Variants in MYADM observed in about 807,000 individuals in gnomAD.
MYADM encodes myeloid associated differentiation marker.
For missense variants in MYADM, 416 were observed against 443.4 expected (o/e 0.94, Z 0.56); for synonymous variants, 224 against 210.2 (o/e 1.07, Z -0.57).
chr19:53,873,847 C>T lies in MYADM; in HGVS notation c.318C>T (p.Ala106=), dbSNP rs920039400. 9.3e-6 allele frequency: 15 copies of T among 1,613,550 alleles called. No individual in the cohort carries two copies. Among genetic ancestry groups the T allele is most frequent in the Non-Finnish European group, 1.2e-5 (14 of 1,180,056 alleles). The stretch of plus-strand genomic sequence containing the variant: ...GGCGCAACTTCCCCATCACCTTCGC[C>T]TGCTATGCGGCCCTCTTCTGCCTCT... ...LSWRNFPITF[A]CYAALFCLSA... Residue 106 remains alanine (A), a synonymous_variant, in exon 3 of 3, where the codon GCC becomes GCT. Transcript: ENST00000391770. This position sits in a 1 kb window ranked among gnomAD's most constrained non-coding sequence, Gnocchi z 4.3.
Position 53,868,867 on chromosome 19 carries a change from G to C in MYADM, c.-87-887G>C, listed in dbSNP as rs1254451918. 3 of 144,664 alleles carry C rather than the reference G, an allele frequency of 2.1e-5. No homozygotes were observed. Among genetic ancestry groups the C allele is most frequent in the Non-Finnish European group, 4.5e-5 (3 of 66,358 alleles). The allele number at this position is 144,664 out of a possible 1,614,324, so 9.0% of individuals were successfully genotyped here. On this transcript the variant is annotated intron_variant, in intron 1 of 2. Transcript: ENST00000391770. The surrounding 1 kb of genome is among the most constrained non-coding windows in gnomAD (Gnocchi z 6.3). ...ACCCCTCCCCTCCCCTCCCCTCGGC[G>C]CGCCCCCCTCCCCTGCGCGCCCCCC...
At position 53,873,815 on chromosome 19, in the gene MYADM, C is replaced by A. The variant is rs1409311368; in HGVS notation, c.286C>A (p.Leu96Met). ...ELCGLQARFP[L>M]SWRNFPITFA... ...GTGCGGGCTCCAGGCCCGCTTCCCC[C>A]TGTCTTGGCGCAACTTCCCCATCAC... The change falls in exon 3 of 3, where the codon CTG (leucine) becomes ATG (methionine). Residue 96 changes from leucine to methionine, a missense_variant. Coordinates refer to ENST00000391770, the MANE Select transcript of MYADM (RefSeq NM_138373.5). This position sits in a 1 kb window ranked among gnomAD's most constrained non-coding sequence, Gnocchi z 4.3. 1 of 1,613,612 alleles carries A rather than the reference C, an allele frequency of 6.2e-7. No individual in the cohort carries two copies. The highest frequency in any genetic ancestry group is 1.3e-5 in the African/African-American group (1 of 74,950).
rs1372529680 is a variant in MYADM, at chr19:53,874,626, C to T, written c.*128C>T. 3.6e-6 allele frequency: 4 copies of T among 1,115,750 alleles called. No individual in the cohort carries two copies. In the East Asian group the frequency reaches 7.9e-5, roughly 22 times the overall value. The allele number at this position is 1,115,750 out of a possible 1,614,324, so 69.1% of individuals were successfully genotyped here. On this transcript the variant is annotated 3_prime_UTR_variant, in exon 3 of 3. Coordinates refer to ENST00000391770, the MANE Select transcript of MYADM (RefSeq NM_138373.5). ...TCTTCCTGTCTCCCCTCCCTCCCACCTTTTTCTTTCCTTCCCAATTCCTTG... is the reference window on the plus strand; with the variant it reads ...TCTTCCTGTCTCCCCTCCCTCCCACTTTTTTCTTTCCTTCCCAATTCCTTG...
chr19:53,874,362 G>A lies in MYADM; in HGVS notation c.833G>A (p.Ser278Asn), dbSNP rs764546606. 2.5e-6 allele frequency: 4 copies of A among 1,614,142 alleles called. No individual in the cohort carries two copies. In the Admixed American group the frequency reaches 5.0e-5, roughly 20 times the overall value. The change falls in exon 3 of 3, where the codon AGC becomes AAC. Residue 278 changes from serine (S) to asparagine (N), a missense_variant. Coordinates refer to ENST00000391770, the MANE Select transcript of MYADM (RefSeq NM_138373.5). ...GGQPRRSRDV[S>N]CSRSHAYYVC... ...CAGCCTCGGCGCTCGAGAGATGTAA[G>A]CTGCAGCCGCAGCCATGCCTACTAC...
rs779596320 is a variant in MYADM, at chr19:53,875,323, CATAT to C, written c.*838_*841del. On this transcript the variant is annotated 3_prime_UTR_variant, in exon 3 of 3. Transcript: ENST00000391770. ...TGTACTTCCCCTTTAAATTAAAAAA[CATAT>C]ATATATATATATTTGGAGGTCAGTA... 4 of 162,684 alleles carry C rather than the reference CATAT, an allele frequency of 2.5e-5. No homozygotes were observed. Among genetic ancestry groups the C allele is most frequent in the Admixed American group, 6.7e-5 (1 of 14,920 alleles). The allele number at this position is 162,684 out of a possible 1,614,324, so 10.1% of individuals were successfully genotyped here.
At position 53,874,045 on chromosome 19, in the gene MYADM, A is replaced by AC. The variant is rs750593806; in HGVS notation, c.519dup (p.Gly174ArgfsTer92). ...AGATCACTGGCTATATGGCCACCGTACCCGGGCTGCTGAAGGTGCTGGAGA... is the reference window on the plus strand; with the variant it reads ...AGATCACTGGCTATATGGCCACCGTACCCCGGGCTGCTGAAGGTGCTGGAGA... On this transcript the variant is annotated frameshift_variant, in exon 3 of 3. Coordinates refer to ENST00000391770, the MANE Select transcript of MYADM (RefSeq NM_138373.5). LOFTEE classifies it low-confidence loss of function (END_TRUNC). 1 of 1,609,482 alleles carries AC rather than the reference A, an allele frequency of 6.2e-7. No individual in the cohort carries two copies. The highest frequency in any genetic ancestry group is 1.1e-5 in the South Asian group (1 of 91,088).
chr19:53,874,186 C>G lies in MYADM; in HGVS notation c.657C>G (p.Ile219Met), dbSNP rs142869931. 12 of 1,613,926 alleles carry G rather than the reference C, an allele frequency of 7.4e-6. No homozygotes were observed. In the South Asian group the frequency reaches 1.3e-4, roughly 18 times the overall value. The change falls in exon 3 of 3, where the codon ATC becomes ATG. Residue 219 changes from isoleucine (I) to methionine (M), a missense_variant. By Grantham distance (10) the Ile-to-Met change is conservative (BLOSUM62 1). Coordinates refer to ENST00000391770, the MANE Select transcript of MYADM (RefSeq NM_138373.5). The stretch of plus-strand genomic sequence containing the variant: ...CCATCTGCTTCATCCTAGCGGCCAT[C>G]GCCATCCTGCTGAACCTGGGGGAGT... ...VYAICFILAA[I>M]AILLNLGECT...
At position 53,869,749 on chromosome 19, in the gene MYADM, C is replaced by T. The variant is rs1449916033; in HGVS notation, c.-87-5C>T. 3.3e-5 allele frequency: 5 copies of T among 152,834 alleles called. No homozygotes were observed. Among genetic ancestry groups the T allele is most frequent in the Non-Finnish European group, 5.9e-5 (4 of 68,272 alleles). 9.5% of individuals were successfully genotyped at this position (152,834 alleles called of 1,614,324 possible). ...ACGGACGCTAACGGCCTACCTCCCCCTCAGGTGCTCTTACAGCCTGTTCCA... is the reference window on the plus strand; with the variant it reads ...ACGGACGCTAACGGCCTACCTCCCCTTCAGGTGCTCTTACAGCCTGTTCCA... On this transcript the variant is annotated splice_polypyrimidine_tract_variant and splice_region_variant and intron_variant, in intron 1 of 2. Coordinates refer to ENST00000391770, the MANE Select transcript of MYADM (RefSeq NM_138373.5).
chr19:53,872,326 G>T (rs1165134827), intron 2 of MYADM, among the ~76,000 whole-genome samples: 1 of 152,054 alleles, frequency 6.6e-6, no homozygotes, highest in Non-Finnish European at 1.5e-5. Flanking sequence ...CTCCCGAGTA[G>T]CTGGGATTGC....
rs1453118238 is a variant in MYADM at position 53,875,469 on chromosome 19, G to A, written c.*971G>A. On this transcript the variant is annotated 3_prime_UTR_variant, in exon 3 of 3. Transcript: ENST00000391770. Reference sequence around the variant, plus strand: ...TTGCCAGGCTTACAGAACACCCACTGCCTAGAGGCCATCTTAAAGGAAGCA... The same window carrying A: ...TTGCCAGGCTTACAGAACACCCACTACCTAGAGGCCATCTTAAAGGAAGCA... 6.0e-6 allele frequency: 1 copy of A among 166,060 alleles called. No homozygotes were observed. Among genetic ancestry groups the A allele is most frequent in the Admixed American group, 6.6e-5 (1 of 15,136 alleles). The allele number at this position is 166,060 out of a possible 1,614,324, so 10.3% of individuals were successfully genotyped here.
upstream of MYADM, among the ~76,000 whole-genome samples, chr19:53,867,118 C>G (rs770204640): frequency 6.6e-6 from 1 of 152,182 alleles, no homozygotes; most frequent in Admixed American, 6.5e-5. Context: ...GACCTGCGTC[C>G]AGCCCGAGTC....
chr19:53,872,034 G>A lies in MYADM; in HGVS notation c.-2-1494G>A, dbSNP rs184565472. Among the ~76,000 whole-genome samples the A allele has an allele frequency of 5.9e-3, 890 of 151,968 alleles. 6 individuals carry two copies. Among genetic ancestry groups the A allele is most frequent in the Non-Finnish European group, 9.1e-3 (616 of 67,958 alleles). ...CTGCCTCAGCCTCCCAAGTAGCTGC[G>A]ATTACAAGCGCCCACCACCACACCC... On this transcript the variant is annotated intron_variant, in intron 2 of 2. Transcript: ENST00000391770.
intron 2 of MYADM, 81 bp downstream of exon 2, chr19:53,869,919 G>C (rs542154155): frequency 6.7e-6 from 1 of 149,990 alleles, no homozygotes; most frequent in African/African-American, 2.5e-5. Flanking sequence ...GAGGGAGGAG[G>C]GGCTGGGGGC....
chr19:53,869,789 C>T lies in MYADM; in HGVS notation c.-52C>T, dbSNP rs1187871573. On this transcript the variant is annotated 5_prime_UTR_variant, in exon 2 of 3. Coordinates refer to ENST00000391770, the MANE Select transcript of MYADM (RefSeq NM_138373.5). ...AGCCTGTTCCAAGTGTGGCTTAATC[C>T]GTCTCCACCACCAGATCTTTCTCCG... 1 of 153,450 alleles carries T rather than the reference C, an allele frequency of 6.5e-6. No homozygotes were observed. The highest frequency in any genetic ancestry group is 1.5e-5 in the Non-Finnish European group (1 of 68,384). The allele number at this position is 153,450 out of a possible 1,614,324, so 9.5% of individuals were successfully genotyped here.
chr19:53,873,649 C>T lies in MYADM; in HGVS notation c.120C>T (p.Arg40=), dbSNP rs199879742. 2.1e-5 allele frequency: 34 copies of T among 1,614,208 alleles called. No homozygotes were observed. In the Admixed American group the frequency reaches 5.2e-4, roughly 25 times the overall value. The change falls in exon 3 of 3, where the codon CGC becomes CGT. Residue 40 remains arginine (R), a synonymous_variant. Transcript: ENST00000391770. The surrounding 1 kb of genome is among the most constrained non-coding windows in gnomAD (Gnocchi z 4.3). ...RALTQPLGLL[R]LLQLVSTCVA... is the part of the protein sequence containing the mutation. Reference sequence around the variant, plus strand: ...TGACACAGCCCCTGGGTCTCCTTCGCCTGCTGCAGCTGGTGTCTACCTGCG... The same window carrying T: ...TGACACAGCCCCTGGGTCTCCTTCGTCTGCTGCAGCTGGTGTCTACCTGCG...
Position 53,874,072 on chromosome 19 carries a change from C to G in MYADM, c.543C>G (p.Thr181=), listed in dbSNP as rs2068461439. 3 of 1,610,990 alleles carry G rather than the reference C, an allele frequency of 1.9e-6. No homozygotes were observed. The highest frequency in any genetic ancestry group is 2.5e-6 in the Non-Finnish European group (3 of 1,180,036). The change falls in exon 3 of 3, where the codon ACC becomes ACG. Residue 181 remains threonine, a synonymous_variant. Coordinates refer to ENST00000391770, the MANE Select transcript of MYADM (RefSeq NM_138373.5). ...CCGGGCTGCTGAAGGTGCTGGAGAC[C>G]TTCGTTGCCTGCATCATCTTCGCGT... ...TVPGLLKVLE[T]FVACIIFAFI...
Position 53,874,587 on chromosome 19 carries a change from T to C in MYADM, c.*89T>C. The C allele has an allele frequency of 1.4e-6, 2 of 1,407,752 alleles. No homozygotes were observed. Among genetic ancestry groups the C allele is most frequent in the Non-Finnish European group, 1.9e-6 (2 of 1,051,162 alleles). The allele number at this position is 1,407,752 out of a possible 1,614,324, so 87.2% of individuals were successfully genotyped here. A position where few individuals can be genotyped will look rare whatever the true frequency, so the allele number is the denominator to read the frequency against. On this transcript the variant is annotated 3_prime_UTR_variant, in exon 3 of 3. Transcript: ENST00000391770. ...TATGGAGTACTTCTTTCCTCCGCCTTTCCTCTGTTTTCCTCTTCCTGTCTC... is the reference window on the plus strand; with the variant it reads ...TATGGAGTACTTCTTTCCTCCGCCTCTCCTCTGTTTTCCTCTTCCTGTCTC...
At position 53,873,881 on chromosome 19, in the gene MYADM, A is replaced by G; in HGVS notation, c.352A>G (p.Ile118Val). ...YAALFCLSAS[I>V]IYPTTYVQFL... ...GGCCCTCTTCTGCCTCTCGGCCTCC[A>G]TCATCTACCCCACCACCTATGTCCA... Residue 118 changes from isoleucine (I) to valine (V), a missense_variant, in exon 3 of 3, where the codon ATC becomes GTC. Ile to Val is a conservative substitution (Grantham distance 29, BLOSUM62 3). Transcript: ENST00000391770. This position sits in a 1 kb window ranked among gnomAD's most constrained non-coding sequence, Gnocchi z 4.3. 3 of 1,613,102 alleles carry G rather than the reference A, an allele frequency of 1.9e-6. No homozygotes were observed. Among genetic ancestry groups the G allele is most frequent in the South Asian group, 1.1e-5 (1 of 91,078 alleles).
In MYADM at chr19:53,875,541, GAAAA is replaced by G. The variant is rs756954605; in HGVS notation, c.*1055_*1058del. 9 of 126,584 alleles carry G rather than the reference GAAAA, an allele frequency of 7.1e-5. No individual in the cohort carries two copies. The highest frequency in any genetic ancestry group is 3.7e-5 in the Non-Finnish European group (2 of 53,730). 7.8% of individuals were successfully genotyped at this position (126,584 alleles called of 1,614,324 possible). A position where few individuals can be genotyped will look rare whatever the true frequency, so the allele number is the denominator to read the frequency against. On this transcript the variant is annotated 3_prime_UTR_variant, in exon 3 of 3. Transcript: ENST00000391770. Reference sequence around the variant, plus strand: ...CAACTATTCTCTGTGGTATCAAAAAGAAAAAAAAAAAAAAAGAAGGAGTCGGGGC... The same window carrying G: ...CAACTATTCTCTGTGGTATCAAAAAGAAAAAAAAAAAGAAGGAGTCGGGGC...
Sources: allele counts gnomAD v4.1 joint callset (sites outside exome capture counted in the v4.1 genomes callset), GRCh38; gene constraint gnomAD v4.1.1; non-coding constraint Gnocchi (gnomAD v3.1); transcripts MANE v1.5; gene names NCBI Gene and HGNC (gene_info 2026-07-23, HGNC 2026-07-21).